Variants in TNKS observed in about 807,000 individuals in gnomAD.
The protein encoded by TNKS is tankyrase, also known as poly [ADP-ribose] polymerase tankyrase-1.
In TNKS, 72 loss-of-function variants were observed where a neutral mutation model predicts 135.8. The ratio of observed to expected loss-of-function variants is 0.53; its 90% CI spans 0.44 to 0.64. TNKS has a LOEUF of 0.64. Ranked by LOEUF, TNKS falls within the 30% of genes least tolerant of loss-of-function variation. The probability of loss-of-function intolerance (pLI) is 0.00; values close to 1 mark genes in which losing one functional copy is unlikely to be tolerated. For missense variants in TNKS, 1,769 were observed against 1,674.0 expected (o/e 1.06, Z -0.99); for synonymous variants, 849 against 649.3 (o/e 1.31, Z -4.68).
intron 20 of TNKS, among the ~76,000 whole-genome samples, chr8:9,757,426 C>T (rs968315141): frequency 6.6e-6 from 1 of 152,212 alleles, no homozygotes; most frequent in Non-Finnish European, 1.5e-5. Context: ...CCCTCAAATA[C>T]TCTGTATTCT....
At chr8:9,687,235 C>G (rs1326158275) in intron 5 of TNKS, among the ~76,000 whole-genome samples, 1 of 152,140 alleles carries the variant, frequency 6.6e-6, no homozygotes, top group African/African-American at 2.4e-5. Context: ...AGCTCAGATG[C>G]TACTTGGGAT....
intron 3 of TNKS, among the ~76,000 whole-genome samples, chr8:9,659,453 A>G (rs1388031374): frequency 2.0e-5 from 3 of 152,216 alleles, no homozygotes; most frequent in Non-Finnish European, 4.4e-5. Flanking sequence ...ACTCAACTAC[A>G]TGGAAACTGA....
intron 3 of TNKS, among the ~76,000 whole-genome samples, chr8:9,633,023 C>T (rs1216438088): frequency 6.6e-6 from 1 of 152,178 alleles, no homozygotes; most frequent in Non-Finnish European, 1.5e-5. Context: ...GCCACCGCAC[C>T]CGGCCCTCTA....
chr8:9,575,319 TC>T (rs2129052361), intron 1 of TNKS: 1 of 843,084 alleles, frequency 1.2e-6, no homozygotes, highest in South Asian at 5.4e-5. Flanking sequence ...TTTCCTGACC[TC>T]GTGATCCGCC....
intron 3 of TNKS, among the ~76,000 whole-genome samples, chr8:9,672,222 A>G (rs970359678): frequency 2.6e-5 from 4 of 152,166 alleles, no homozygotes; most frequent in Admixed American, 6.5e-5. Context: ...TATAAGGGGT[A>G]TGTATTATTG....
chr8:9,756,645 C>G (rs747581142), intron 20 of TNKS, among the ~76,000 whole-genome samples: 6 of 152,058 alleles, frequency 3.9e-5, no homozygotes, highest in African/African-American at 1.2e-4. Context: ...TCCAACTAAC[C>G]TGCTTTCCAT....
intron 2 of TNKS, among the ~76,000 whole-genome samples, chr8:9,580,716 A>G (rs1261986282): frequency 6.6e-6 from 1 of 152,142 alleles, no homozygotes; most frequent in Non-Finnish European, 1.5e-5. Flanking sequence ...ATAAAGTACA[A>G]ATTCTACTGA....
chr8:9,637,551 G>C (rs1800558801), intron 3 of TNKS, among the ~76,000 whole-genome samples: 1 of 152,064 alleles, frequency 6.6e-6, no homozygotes, highest in Admixed American at 6.5e-5. Flanking sequence ...CTTATGATGG[G>C]ACATAAAAAT....
chr8:9,717,718 C>T (rs1012243255), intron 11 of TNKS, among the ~76,000 whole-genome samples: 1 of 152,090 alleles, frequency 6.6e-6, no homozygotes, highest in Non-Finnish European at 1.5e-5. Context: ...AGATCCTTCT[C>T]TTAAGGAACT....
chr8:9,727,011 A>G (rs1162397418), intron 13 of TNKS, among the ~76,000 whole-genome samples: 2 of 152,214 alleles, frequency 1.3e-5, no homozygotes, highest in Non-Finnish European at 2.9e-5. Context: ...AGGTTACATG[A>G]AAGCTCTTTT....
In TNKS at chr8:9,561,792, A is replaced by G. The variant is rs552610721; in HGVS notation, c.673+5180A>G. 9.2e-5 allele frequency among the ~76,000 whole-genome samples: 14 copies of G among 152,302 alleles called. No individual in the cohort carries two copies. In the South Asian group the frequency reaches 1.7e-3, roughly 18 times the overall value. Reference sequence around the variant, plus strand: ...AACTGCCAACACCTTTCCCCAAAGTATATGTACCATTTTACATTCCCATCA... The same window carrying G: ...AACTGCCAACACCTTTCCCCAAAGTGTATGTACCATTTTACATTCCCATCA... On this transcript the variant is annotated intron_variant, in intron 1 of 26. Transcript: ENST00000310430.
At chr8:9,688,083 G>C (rs1272502105) in intron 5 of TNKS, among the ~76,000 whole-genome samples, 1 of 152,174 alleles carries the variant, frequency 6.6e-6, no homozygotes, top group African/African-American at 2.4e-5. Flanking sequence ...ATGGATGCTG[G>C]ATGATGTTTT....
chr8:9,645,027 G>A (rs1390833719), intron 3 of TNKS, among the ~76,000 whole-genome samples: 4 of 152,132 alleles, frequency 2.6e-5, no homozygotes, highest in Non-Finnish European at 5.9e-5. Context: ...TTAAATATAT[G>A]TTTTTTCTTC....
chr8:9,667,322 A>G (rs912719107), intron 3 of TNKS, among the ~76,000 whole-genome samples: 2 of 152,360 alleles, frequency 1.3e-5, no homozygotes, highest in East Asian at 1.9e-4. Context: ...AACTCTCAGG[A>G]TATATGAACA....
intron 2 of TNKS, among the ~76,000 whole-genome samples, chr8:9,598,753 A>G (rs1270896285): frequency 0.058 from 4,213 of 73,228 alleles, 339 homozygotes; most frequent in African/African-American, 0.17. Context: ...GTATATATGT[A>G]TATGTGTGTG....
intron 3 of TNKS, among the ~76,000 whole-genome samples, chr8:9,649,018 A>T (rs559724458): frequency 6.6e-6 from 1 of 152,186 alleles, no homozygotes; most frequent in Non-Finnish European, 1.5e-5. Context: ...CAGGATTAGT[A>T]AACACAGTTT....
intron 1 of TNKS, among the ~76,000 whole-genome samples, chr8:9,562,101 C>T (rs1462480663): frequency 2.0e-5 from 3 of 152,024 alleles, no homozygotes; most frequent in Admixed American, 1.3e-4. Flanking sequence ...ACAGGAGTGA[C>T]CCACCACGCC....
intron 2 of TNKS, among the ~76,000 whole-genome samples, chr8:9,594,457 A>G (rs895655655): frequency 2.6e-5 from 4 of 152,190 alleles, no homozygotes; most frequent in Non-Finnish European, 5.9e-5. Context: ...GTATCTGGCT[A>G]TCGGTTATCG....
chr8:9,720,079 C>G (rs763976292), intron 11 of TNKS, among the ~76,000 whole-genome samples: 76 of 152,178 alleles, frequency 5.0e-4, no homozygotes, highest in Middle Eastern at 3.4e-3. Flanking sequence ...AGAGTTGCTG[C>G]CTCCATAGAC....
Sources: allele counts gnomAD v4.1 joint callset (sites outside exome capture counted in the v4.1 genomes callset), GRCh38; gene constraint gnomAD v4.1.1; transcripts MANE v1.5; gene names NCBI Gene and HGNC (gene_info 2026-07-23, HGNC 2026-07-21).